SMURF1: variants seen among roughly 807,000 people sequenced by gnomAD.
SMURF1 encodes E3 ubiquitin-protein ligase SMURF1.
Under a neutral mutation model 98.0 loss-of-function variants are expected in SMURF1, and 44 were observed. The observed-to-expected ratio is 0.45, with a 90% CI of 0.35 to 0.58. The LOEUF (loss-of-function observed/expected upper bound fraction) is 0.58. Among genes scored for constraint, SMURF1 ranks in the 20% least tolerant of loss-of-function variants. SMURF1 has a pLI of 0.00. For synonymous variants in SMURF1, 396 were observed against 374.9 expected (o/e 1.06, Z -0.65); for missense variants, 687 against 938.4 (o/e 0.73, Z 3.50).
intron 1 of SMURF1, among the ~76,000 whole-genome samples, chr7:99,085,750 T>C (rs868441436): frequency 1.3e-5 from 2 of 152,210 alleles, no homozygotes; most frequent in Non-Finnish European, 2.9e-5. Context: ...CTCTGTACTC[T>C]ACCCGTTATT....
intron 1 of SMURF1, among the ~76,000 whole-genome samples, chr7:99,071,251 G>A (rs1796312756): frequency 6.6e-6 from 1 of 152,106 alleles, no homozygotes; most frequent in African/African-American, 2.4e-5. Flanking sequence ...GTAGAGACGA[G>A]GTTTCGCCAT....
At chr7:99,074,817 C>A (rs964493925) in intron 1 of SMURF1, among the ~76,000 whole-genome samples, 3 of 152,120 alleles carry the variant, frequency 2.0e-5, no homozygotes, top group Non-Finnish European at 2.9e-5. Flanking sequence ...GACTTGTGTC[C>A]AGGTGTTCAA....
At chr7:99,088,943 C>T (rs1258421485) in intron 1 of SMURF1, among the ~76,000 whole-genome samples, 7 of 152,082 alleles carry the variant, frequency 4.6e-5, no homozygotes, top group African/African-American at 9.7e-5. Context: ...CGCTGGCTCA[C>T]GCCTGTAATC....
Position 99,143,714 on chromosome 7 carries a change from C to T in SMURF1, c.55+12G>A. 1.3e-6 allele frequency: 2 copies of T among 1,551,456 alleles called. No homozygotes were observed. Among genetic ancestry groups the T allele is most frequent in the South Asian group, 1.2e-5 (1 of 84,974 alleles). On this transcript the variant is annotated intron_variant, in intron 1 of 17. Transcript: ENST00000361368. The stretch of plus-strand genomic sequence containing the variant: ...GGCGCCGGGGCGCGGGTGGGCCTCC[C>T]GCCGGCCGTACCTGTCAGACGGATC...
intron 16 of SMURF1, 148 bp downstream of exon 16, chr7:99,035,367 G>A (rs1177552243): frequency 9.8e-6 from 10 of 1,017,670 alleles, no homozygotes; most frequent in Non-Finnish European, 1.3e-5. Flanking sequence ...AACCACCTCT[G>A]TAGGGCAGAG....
chr7:99,096,807 C>A (rs1001766674), intron 1 of SMURF1, among the ~76,000 whole-genome samples: 1 of 152,166 alleles, frequency 6.6e-6, no homozygotes, highest in Non-Finnish European at 1.5e-5. Context: ...CTAACGGGAT[C>A]AAACTGACAT....
chr7:99,137,544 T>C (rs1798019882), intron 1 of SMURF1, among the ~76,000 whole-genome samples: 1 of 152,200 alleles, frequency 6.6e-6, no homozygotes, highest in Non-Finnish European at 1.5e-5. Context: ...CTTCGTGACA[T>C]GCTCCTCCAG....
chr7:99,113,476 C>A (rs1797366351), intron 1 of SMURF1, among the ~76,000 whole-genome samples: 1 of 152,044 alleles, frequency 6.6e-6, no homozygotes, highest in African/African-American at 2.4e-5. Flanking sequence ...AAGCTAAAAA[C>A]CAAGAAAGTT....
chr7:99,102,813 C>A (rs979489892), intron 1 of SMURF1, among the ~76,000 whole-genome samples: 1 of 151,956 alleles, frequency 6.6e-6, no homozygotes, highest in East Asian at 1.9e-4. Context: ...CTTACAACTG[C>A]ATTTTTTTGG....
At chr7:99,142,109 C>T (rs116469582) in intron 1 of SMURF1, among the ~76,000 whole-genome samples, 6,708 of 152,210 alleles carry the variant, frequency 0.044, 181 homozygotes, top group Middle Eastern at 0.068. Context: ...CTCTGGAGCC[C>T]GGGGGGAAAC....
At chr7:99,041,777 G>A (rs2150511030) in intron 12 of SMURF1, among the ~76,000 whole-genome samples, 1 of 152,336 alleles carries the variant, frequency 6.6e-6, no homozygotes, top group South Asian at 2.1e-4. Flanking sequence ...TTGACCGGGA[G>A]GAGGCTGGAC....
Position 99,051,592 on chromosome 7 carries a change from C to T in SMURF1, c.722-151G>A, listed in dbSNP as rs550471262. The T allele has an allele frequency of 7.2e-5, 48 of 666,760 alleles. 1 individual carries two copies. The South Asian group carries it at 7.5e-4, about 10-fold the overall frequency. The allele number at this position is 666,760 out of a possible 1,614,324, so 41.3% of individuals were successfully genotyped here. ...CTTCTCTCTGAGGTGGCCGAATAAT[C>T]CCCTCTTCTCCATCTCGCCCCATGC... On this transcript the variant is annotated intron_variant, in intron 7 of 17. Coordinates refer to ENST00000361368, the MANE Select transcript of SMURF1 (RefSeq NM_181349.3).
At chr7:99,063,238 T>TATATATATATATATATATATAAG (rs1491463254) in intron 1 of SMURF1, among the ~76,000 whole-genome samples, 5 of 5,042 alleles carry the variant, frequency 9.9e-4, no homozygotes, top group East Asian at 0.014. Context: ...ATATAAGATT[T>TATATATATATATATATATATAAG]ATTTATATAT....
intron 1 of SMURF1, among the ~76,000 whole-genome samples, chr7:99,087,187 T>C (rs999847313): frequency 4.6e-5 from 7 of 151,432 alleles, no homozygotes; most frequent in Admixed American, 3.3e-4. Flanking sequence ...CTGGGCAACA[T>C]AGCAAGACCC....
intron 1 of SMURF1, among the ~76,000 whole-genome samples, chr7:99,067,647 A>G (rs990465003): frequency 2.0e-5 from 3 of 152,162 alleles, no homozygotes; most frequent in Non-Finnish European, 4.4e-5. Context: ...GGCAAAAGAT[A>G]GGGTTACAAA....
At chr7:99,036,101 T>C in intron 15 of SMURF1, 1 of 250,534 alleles carries the variant, frequency 4.0e-6, no homozygotes, top group East Asian at 1.0e-4. Flanking sequence ...CATGTGGAGT[T>C]TCAAGTCTGA....
At chr7:99,130,035 A>G (rs1205340191) in intron 1 of SMURF1, among the ~76,000 whole-genome samples, 3 of 152,220 alleles carry the variant, frequency 2.0e-5, no homozygotes. Flanking sequence ...TTCTTTCTAC[A>G]CATCCTGAAT....
chr7:99,078,691 A>G (rs1199134980), intron 1 of SMURF1, among the ~76,000 whole-genome samples: 2 of 152,202 alleles, frequency 1.3e-5, no homozygotes, highest in African/African-American at 4.8e-5. Context: ...CCCTGTTGTG[A>G]ACTGCGCATG....
Position 99,028,218 on chromosome 7 carries a change from A to G in SMURF1, c.*2366T>C, listed in dbSNP as rs1794762543. Reference sequence around the variant, plus strand: ...GTAGAACAGTCGGGAAGCTTTTACCATTTGCTTTGCCATGTTGAGTTCTTT... The same window carrying G: ...GTAGAACAGTCGGGAAGCTTTTACCGTTTGCTTTGCCATGTTGAGTTCTTT... On this transcript the variant is annotated 3_prime_UTR_variant, in exon 18 of 18. Coordinates refer to ENST00000361368, the MANE Select transcript of SMURF1 (RefSeq NM_181349.3). 1 of 152,598 alleles carries G rather than the reference A, an allele frequency of 6.6e-6. No homozygotes were observed. Among genetic ancestry groups the G allele is most frequent in the African/African-American group, 2.4e-5 (1 of 41,430 alleles). The allele number at this position is 152,598 out of a possible 1,614,324, so 9.5% of individuals were successfully genotyped here.
Sources: allele counts gnomAD v4.1 joint callset (sites outside exome capture counted in the v4.1 genomes callset), GRCh38; gene constraint gnomAD v4.1.1; transcripts MANE v1.5; gene names NCBI Gene and HGNC (gene_info 2026-07-23, HGNC 2026-07-21).